Variants in CDK11B observed in about 807,000 individuals in gnomAD.
CDK11B encodes the protein cyclin dependent kinase 11B.
Under a neutral mutation model 84.0 loss-of-function variants are expected in CDK11B, and 37 were observed. The ratio of observed to expected loss-of-function variants is 0.44; its 90% CI spans 0.34 to 0.58. The LOEUF is 0.58. Ranked by LOEUF, CDK11B falls within the 20% of genes least tolerant of loss-of-function variation. CDK11B has a pLI of 0.02. For synonymous variants in CDK11B, 269 were observed against 309.8 expected (o/e 0.87, Z 1.38); for missense variants, 427 against 834.0 (o/e 0.51, Z 6.01).
intron 6 of CDK11B, among the ~76,000 whole-genome samples, chr1:1,644,501 T>C (rs941403115): frequency 4.2e-5 from 6 of 141,432 alleles, no homozygotes. Context: ...CAAACTTTCC[T>C]TCAAAGATGA....
chr1:1,648,234 C>G (rs1436773603), intron 5 of CDK11B, among the ~76,000 whole-genome samples: 1 of 152,218 alleles, frequency 6.6e-6, no homozygotes, highest in African/African-American at 2.4e-5. Flanking sequence ...TCTGGGAAAT[C>G]AATATGACAG....
chr1:1,650,504 T>G (rs1368623274), intron 4 of CDK11B, among the ~76,000 whole-genome samples: 2 of 150,372 alleles, frequency 1.3e-5, no homozygotes, highest in Non-Finnish European at 3.0e-5. Context: ...TAGCTGGTAC[T>G]ACAGGCGCCT....
At chr1:1,639,633 G>T (rs1219660514) in intron 11 of CDK11B, among the ~76,000 whole-genome samples, 1 of 151,812 alleles carries the variant, frequency 6.6e-6, no homozygotes, top group Non-Finnish European at 1.5e-5. Flanking sequence ...CAGCACTAAG[G>T]GGCAGAGGCG....
chr1:1,652,362 T>TG, intron 4 of CDK11B, 77 bp downstream of exon 4: 1 of 1,232,386 alleles, frequency 8.1e-7, no homozygotes, highest in Non-Finnish European at 1.1e-6. Flanking sequence ...AGTGGTGCTC[T>TG]GGGGAAGGCA....
At chr1:1,640,858 C>T (rs1488961710) in intron 10 of CDK11B, among the ~76,000 whole-genome samples, 190 bp downstream of exon 10, 14 of 150,900 alleles carry the variant, frequency 9.3e-5, no homozygotes, top group African/African-American at 1.9e-4. Flanking sequence ...GCACTCAGGA[C>T]GCCCTTGGTC....
chr1:1,645,962 C>A, intron 5 of CDK11B: 1 of 404,002 alleles, frequency 2.5e-6, no homozygotes. Flanking sequence ...CCTGAGCCTC[C>A]CGAGTAGCTG....
chr1:1,649,395 C>G, intron 5 of CDK11B, 104 bp downstream of exon 5: 4 of 875,708 alleles, frequency 4.6e-6, no homozygotes, highest in East Asian at 2.5e-5. Flanking sequence ...GCCACCACAC[C>G]TGGCTCAGAT....
chr1:1,650,116 A>G (rs1641752545), intron 4 of CDK11B, among the ~76,000 whole-genome samples: 1 of 148,870 alleles, frequency 6.7e-6, no homozygotes, highest in African/African-American at 2.5e-5. Context: ...TAAAAATACA[A>G]AAAATTAGCT....
intron 1 of CDK11B, among the ~76,000 whole-genome samples, chr1:1,657,902 T>TAAAAAA (rs768223103): frequency 2.3e-5 from 2 of 86,320 alleles, no homozygotes; most frequent in Admixed American, 1.3e-4. Context: ...AAGACTTGGT[T>TAAAAAA]AAAAAAAAAA....
intron 3 of CDK11B, among the ~76,000 whole-genome samples, chr1:1,653,863 C>CACACACACACACACACACAA (rs761317190): frequency 2.3e-5 from 3 of 132,858 alleles, no homozygotes; most frequent in East Asian, 4.2e-4. Context: ...CACACACACA[C>CACACACACACACACACACAA]CCGAGCGTGG....
intron 2 of CDK11B, among the ~76,000 whole-genome samples, chr1:1,657,004 G>C (rs116402252): frequency 0.012 from 1,779 of 152,244 alleles, 10 homozygotes; most frequent in African/African-American, 0.04. Flanking sequence ...TGCAAACCAA[G>C]AAAGATGTAA....
chr1:1,652,458 A>C lies in CDK11B; in HGVS notation c.336T>G (p.Arg112=). 6.6e-7 allele frequency: 1 copy of C among 1,504,468 alleles called. No individual in the cohort carries two copies. The highest frequency in any genetic ancestry group is 8.8e-7 in the Non-Finnish European group (1 of 1,136,606). The allele number at this position is 1,504,468 out of a possible 1,614,324, so 93.2% of individuals were successfully genotyped here. The change falls in exon 4 of 20, where the codon CGT becomes CGG. Residue 112 remains arginine, a synonymous_variant. Transcript: ENST00000341832. ...CTGTACCCCCTTCTGCTGAATGGCT[A>C]CGATGCCTACGTTTCTCTTTTCTCT... ...DEKRKEKRRH[R]SHSAEGGKHA... is the part of the protein sequence containing the mutation.
intron 2 of CDK11B, among the ~76,000 whole-genome samples, chr1:1,656,981 G>A (rs1642838644): frequency 6.6e-6 from 1 of 152,212 alleles, no homozygotes. Flanking sequence ...AAGGTTTCCT[G>A]AGTACATTAC....
rs777976416 is a variant in CDK11B, at chr1:1,637,061, C to G, written c.1692+20G>C. On this transcript the variant is annotated intron_variant, in intron 15 of 19. Coordinates refer to ENST00000341832, the MANE Select transcript of CDK11B (RefSeq NM_033486.3). ...CCCCGGCAGGTCTCCCTGGGATGGG[C>G]CACTCGGAGGGGGGCTCACCTTGAG... is the stretch of plus-strand genomic sequence containing the variant. 1 of 1,613,330 alleles carries G rather than the reference C, an allele frequency of 6.2e-7. No homozygotes were observed. The highest frequency in any genetic ancestry group is 8.5e-7 in the Non-Finnish European group (1 of 1,179,820).
chr1:1,653,862 A>ACACACACACC (rs1491423617), intron 3 of CDK11B, among the ~76,000 whole-genome samples: 9 of 143,540 alleles, frequency 6.3e-5, no homozygotes, highest in East Asian at 2.0e-4. Flanking sequence ...ACACACACAC[A>ACACACACACC]CCCGAGCGTG....
At position 1,646,526 on chromosome 1, in the gene CDK11B, A is replaced by C. The variant is rs868663684; in HGVS notation, c.495-1264T>G. The C allele has an allele frequency of 3.0e-3, 1,564 of 519,302 alleles. 13 individuals are homozygous for C. The highest frequency in any genetic ancestry group is 0.027 in the African/African-American group (1,403 of 51,708). The allele number at this position is 519,302 out of a possible 1,614,324, so 32.2% of individuals were successfully genotyped here. A position where few individuals can be genotyped will look rare whatever the true frequency, so the allele number is the denominator to read the frequency against. On this transcript the variant is annotated intron_variant, in intron 5 of 19. Transcript: ENST00000341832. ...GACAACAGTGTAATTATTTTATACA[A>C]TCGTAGTTCCAGTAAAACCTAAGAT...
At chr1:1,651,399 T>C (rs1641979828) in intron 4 of CDK11B, among the ~76,000 whole-genome samples, 2 of 151,736 alleles carry the variant, frequency 1.3e-5, no homozygotes, top group Non-Finnish European at 2.9e-5. Context: ...ACACGCATGC[T>C]TTCAGCTGGA....
chr1:1,653,003 G>A (rs1323074360), intron 3 of CDK11B, among the ~76,000 whole-genome samples: 2 of 151,562 alleles, frequency 1.3e-5, no homozygotes, highest in Non-Finnish European at 2.9e-5. Flanking sequence ...GATTACAGGC[G>A]TGAGCCACTG....
chr1:1,640,766 G>C (rs1322939954), intron 10 of CDK11B, among the ~76,000 whole-genome samples: 1 of 152,240 alleles, frequency 6.6e-6, no homozygotes, highest in African/African-American at 2.4e-5. Context: ...CTGCTCTGCA[G>C]GGACAGGCCC....
Sources: gnomAD v4.1 joint callset for allele counts (sites outside exome capture counted in the v4.1 genomes callset) on GRCh38, gnomAD v4.1.1 for gene constraint, MANE v1.5 for transcripts, NCBI Gene and HGNC (gene_info 2026-07-23, HGNC 2026-07-21) for gene names.